Variants in PRKG1 observed in about 807,000 individuals in gnomAD.
The protein encoded by PRKG1 is cGMP-dependent protein kinase 1.
Under a neutral mutation model 88.1 loss-of-function variants are expected in PRKG1, and 35 were observed. That is an observed-to-expected ratio of 0.40 (90% CI 0.30 to 0.53). PRKG1 has a LOEUF of 0.53. Among genes scored for constraint, PRKG1 ranks in the 20% least tolerant of loss-of-function variants. PRKG1 has a pLI of 0.59. For missense variants in PRKG1, 540 were observed against 839.8 expected, an observed-to-expected ratio of 0.64 and a Z score of 4.41; for synonymous variants, 303 against 292.5, an observed-to-expected ratio of 1.04 and a Z score of -0.37.
intron 3 of PRKG1, among the ~76,000 whole-genome samples, chr10:51,498,446 G>A (rs868084171): frequency 6.6e-6 from 1 of 152,094 alleles, no homozygotes; most frequent in African/African-American, 2.4e-5. Flanking sequence ...ATCTGTCAAA[G>A]TTTTACCATG....
chr10:51,009,147 A>G (rs563323356), intron 1 of PRKG1, among the ~76,000 whole-genome samples: 1 of 152,310 alleles, frequency 6.6e-6, no homozygotes, highest in East Asian at 1.9e-4. Context: ...AAACCCTTCT[A>G]TGCTATAATT....
intron 1 of PRKG1, among the ~76,000 whole-genome samples, chr10:50,999,045 A>G (rs1241543924): frequency 6.6e-6 from 1 of 152,206 alleles, no homozygotes; most frequent in Non-Finnish European, 1.5e-5. Flanking sequence ...CTTACATATG[A>G]ATATGATAGA....
chr10:51,018,311 C>A (rs1341803994), intron 1 of PRKG1, among the ~76,000 whole-genome samples: 1 of 151,936 alleles, frequency 6.6e-6, no homozygotes, highest in Non-Finnish European at 1.5e-5. Flanking sequence ...TGCATTGGTT[C>A]TTGACACAAT....
chr10:51,726,523 A>G (rs1842135418), intron 3 of PRKG1, among the ~76,000 whole-genome samples: 2 of 152,202 alleles, frequency 1.3e-5, no homozygotes. Flanking sequence ...GGTTTTTGAT[A>G]AATTTTGTCA....
chr10:51,432,717 T>C (rs1038399608), intron 2 of PRKG1, among the ~76,000 whole-genome samples: 1 of 152,172 alleles, frequency 6.6e-6, no homozygotes, highest in East Asian at 1.9e-4. Flanking sequence ...CTAACACTCA[T>C]TTAAGACAAT....
At chr10:51,029,817 G>A (rs1028968309) in intron 1 of PRKG1, among the ~76,000 whole-genome samples, 1 of 152,078 alleles carries the variant, frequency 6.6e-6, no homozygotes, top group African/African-American at 2.4e-5. Flanking sequence ...GTGTGCTCTG[G>A]AGTTAGATTA....
intron 9 of PRKG1, among the ~76,000 whole-genome samples, chr10:52,193,576 C>T (rs866713392): frequency 1.7e-5 from 1 of 60,514 alleles, no homozygotes. Flanking sequence ...AAAAAAAAAA[C>T]AAAAAAAAAA....
chr10:51,226,511 T>TG (rs1431790432), intron 2 of PRKG1, among the ~76,000 whole-genome samples: 11 of 152,192 alleles, frequency 7.2e-5, no homozygotes, highest in African/African-American at 2.7e-4. Flanking sequence ...GGCAGATCTT[T>TG]GGCTGTTTGA....
rs543416043 is a variant in PRKG1 at position 51,559,074 on chromosome 10, T to G, written c.592+91238T>G. Among the ~76,000 whole-genome samples, 27 of 152,196 alleles carry G rather than the reference T, an allele frequency of 1.8e-4. No homozygotes were observed. The South Asian group carries it at 5.2e-3, about 29-fold the overall frequency. On this transcript the variant is annotated intron_variant, in intron 3 of 17. Coordinates refer to ENST00000373980, the MANE Select transcript of PRKG1 (RefSeq NM_006258.4). ...TCTTTTATTATTAGTTGTTAACCTC[T>G]TACTATGCCTAATTTATAAATTAAA... is the stretch of plus-strand genomic sequence containing the variant.
intron 2 of PRKG1, among the ~76,000 whole-genome samples, chr10:51,242,008 G>C (rs1839167586): frequency 6.6e-6 from 1 of 151,846 alleles, no homozygotes; most frequent in African/African-American, 2.4e-5. Flanking sequence ...TAATGTAACA[G>C]TCTGGCTTGA....
intron 3 of PRKG1, among the ~76,000 whole-genome samples, chr10:51,612,497 T>C (rs1838937773): frequency 6.6e-6 from 1 of 152,100 alleles, no homozygotes; most frequent in South Asian, 2.1e-4. Flanking sequence ...GCAATTTTAC[T>C]GAATTTATGA....
chr10:51,293,611 A>T (rs1840640295), intron 2 of PRKG1, among the ~76,000 whole-genome samples: 1 of 152,016 alleles, frequency 6.6e-6, no homozygotes, highest in South Asian at 2.1e-4. Context: ...CATTTTCTTT[A>T]TCTGTTCATC....
At chr10:51,225,149 GT>G (rs1223453350) in intron 2 of PRKG1, among the ~76,000 whole-genome samples, 1 of 152,200 alleles carries the variant, frequency 6.6e-6, no homozygotes, top group Non-Finnish European at 1.5e-5. Flanking sequence ...GGAAGATTCT[GT>G]GTCTGGAGGC....
chr10:52,290,928 T>TA (rs1554824392), intron 17 of PRKG1, among the ~76,000 whole-genome samples: 43 of 147,914 alleles, frequency 2.9e-4, no homozygotes, highest in African/African-American at 9.9e-4. Context: ...TTTTTTTTTT[T>TA]AATTTTTTTT....
At chr10:51,649,360 C>A (rs150135477) in intron 3 of PRKG1, among the ~76,000 whole-genome samples, 245 of 152,118 alleles carry the variant, frequency 1.6e-3, no homozygotes, top group African/African-American at 5.7e-3. Flanking sequence ...TACAACCAGT[C>A]TTATTTAATT....
At chr10:51,908,917 A>C (rs1842153726) in intron 5 of PRKG1, 1 of 151,900 alleles carries the variant, frequency 6.6e-6, no homozygotes, top group African/African-American at 2.4e-5. Context: ...TTTTTAGTAG[A>C]GACGGGGTTT....
At chr10:51,677,803 A>G (rs542909772) in intron 3 of PRKG1, among the ~76,000 whole-genome samples, 128 of 152,304 alleles carry the variant, frequency 8.4e-4, no homozygotes, top group African/African-American at 2.9e-3. Flanking sequence ...GTTTTTGTGT[A>G]TGTTAAGTGC....
At chr10:51,074,067 C>T (rs909870168), upstream of PRKG1, among the ~76,000 whole-genome samples, 3 of 151,836 alleles carry the variant, frequency 2.0e-5, no homozygotes, top group Admixed American at 6.6e-5. Context: ...TGCCCGGGGT[C>T]CTCCCTGTCC....
intron 2 of PRKG1, among the ~76,000 whole-genome samples, chr10:51,423,219 G>A (rs1312562778): frequency 1.3e-5 from 2 of 152,036 alleles, no homozygotes; most frequent in African/African-American, 2.4e-5. Context: ...CAGCATACTC[G>A]ATATGTCTGA....
Sources: allele counts gnomAD v4.1 joint callset (sites outside exome capture counted in the v4.1 genomes callset), GRCh38; gene constraint gnomAD v4.1.1; transcripts MANE v1.5; gene names NCBI Gene and HGNC (gene_info 2026-07-23, HGNC 2026-07-21).